BUB1B: variants seen among roughly 807,000 people sequenced by gnomAD.
The protein encoded by BUB1B is mitotic checkpoint serine/threonine-protein kinase BUB1 beta.
BUB1B carries 86 observed loss-of-function variants against 137.7 expected under a neutral mutation model. The observed-to-expected ratio is 0.62, with a 90% confidence interval of 0.52 to 0.75. The LOEUF (loss-of-function observed/expected upper bound fraction) is 0.75. BUB1B is among the 30% of genes least tolerant of loss of function. BUB1B has a pLI of 0.00. For missense variants in BUB1B, 1,130 were observed against 1,236.9 expected, an observed-to-expected ratio of 0.91 and a Z score of 1.30; for synonymous variants, 420 against 417.9, an observed-to-expected ratio of 1.00 and a Z score of -0.06.
At chr15:40,213,270 T>G in intron 19 of BUB1B, 62 bp from the exon 20 acceptor site, 1 of 1,575,338 alleles carries the variant, frequency 6.3e-7, no homozygotes. Context: ...TTCAAGGTAT[T>G]GAGTATAACT....
chr15:40,193,798 G>A (rs1020164848), intron 8 of BUB1B, among the ~76,000 whole-genome samples: 9 of 151,956 alleles, frequency 5.9e-5, no homozygotes, highest in African/African-American at 2.2e-4. Flanking sequence ...GGAGGCGGAG[G>A]CAGGAGAATC....
At chr15:40,216,565 ATATATATTTTTT>A (rs1222807163) in intron 20 of BUB1B, among the ~76,000 whole-genome samples, 3 of 78,688 alleles carry the variant, frequency 3.8e-5, no homozygotes, top group African/African-American at 2.3e-4. Flanking sequence ...ATATATATAT[ATATATATTTTTT>A]TTTTTTTTTA....
chr15:40,212,726 A>T, intron 19 of BUB1B, 78 bp downstream of exon 19: 2 of 1,322,720 alleles, frequency 1.5e-6, no homozygotes, highest in Non-Finnish European at 2.1e-6. Flanking sequence ...AATTTAGTAC[A>T]AAATTCCTGT....
At chr15:40,192,707 C>A (rs959141717) in intron 8 of BUB1B, among the ~76,000 whole-genome samples, 8 of 152,230 alleles carry the variant, frequency 5.3e-5, no homozygotes, top group Admixed American at 2.6e-4. Context: ...TCTGCATCTT[C>A]TTCTGACACA....
chr15:40,220,433 A>T (rs909641518), intron 22 of BUB1B, 131 bp from the exon 23 acceptor site: 3 of 900,380 alleles, frequency 3.3e-6, no homozygotes, highest in Admixed American at 2.5e-5. Flanking sequence ...TATTTGAATG[A>T]TCTCTAACCC....
At chr15:40,184,078 T>C (rs2037330640) in intron 6 of BUB1B, among the ~76,000 whole-genome samples, 195 bp downstream of exon 6, 1 of 152,172 alleles carries the variant, frequency 6.6e-6, no homozygotes. Flanking sequence ...TGTGTCTTAA[T>C]TAAGAAAGAC....
At position 40,170,624 on chromosome 15, in the gene BUB1B, A is replaced by C. The variant is rs746136157; in HGVS notation, c.327A>C (p.Leu109=). The change falls in exon 4 of 23, where the codon CTA becomes CTC. Residue 109 remains leucine, a synonymous_variant. Coordinates refer to ENST00000287598, the MANE Select transcript of BUB1B (RefSeq NM_001211.6). ...STLLERAVEA[L]QGEKRYYSDP... is the part of the protein sequence containing the mutation. ...TATTAGAAAGAGCTGTAGAAGCACT[A>C]CAAGGAGAAAAACGATATTATAGTG... 6.2e-7 allele frequency: 1 copy of C among 1,613,716 alleles called. No individual in the cohort carries two copies. Among genetic ancestry groups the C allele is most frequent in the South Asian group, 1.1e-5 (1 of 91,076 alleles).
In BUB1B at chr15:40,175,189, G is replaced by A. The variant is rs540799611; in HGVS notation, c.385-1288G>A. ...AAATGTGAAAGGTTGTATGCATGAA[G>A]TTATTTTTTATAGAATTATTTATAA... On this transcript the variant is annotated intron_variant, in intron 4 of 22. Coordinates refer to ENST00000287598, the MANE Select transcript of BUB1B (RefSeq NM_001211.6). Among the ~76,000 whole-genome samples, 22 of 152,248 alleles carry A rather than the reference G, an allele frequency of 1.4e-4. No homozygotes were observed. In the South Asian group the frequency reaches 4.4e-3, roughly 30 times the overall value.
At chr15:40,212,755 C>T in intron 19 of BUB1B, 107 bp downstream of exon 19, 1 of 1,002,852 alleles carries the variant, frequency 1.0e-6, no homozygotes, top group Non-Finnish European at 1.5e-6. Flanking sequence ...TAGAAATAGA[C>T]CAATTCAAGT....
chr15:40,209,540 C>T, intron 16 of BUB1B, 95 bp from the exon 17 acceptor site: 1 of 1,463,164 alleles, frequency 6.8e-7, no homozygotes, highest in Non-Finnish European at 9.5e-7. Context: ...ACTGTGTAAT[C>T]TTGATTTTTT....
Position 40,213,377 on chromosome 15 carries a change from T to C in BUB1B, c.2581T>C (p.Leu861=). ...ATATATTACCCATGAAATAACAGTG[T>C]TGATTATTTATAACCTTTTGACAAT... is the stretch of plus-strand genomic sequence containing the variant. ...SEYITHEITV[L]IIYNLLTIVE... Residue 861 remains leucine, a synonymous_variant, in exon 20 of 23, where the codon TTG becomes CTG. Coordinates refer to ENST00000287598, the MANE Select transcript of BUB1B (RefSeq NM_001211.6). 6.2e-7 allele frequency: 1 copy of C among 1,613,714 alleles called. No individual in the cohort carries two copies. The highest frequency in any genetic ancestry group is 8.5e-7 in the Non-Finnish European group (1 of 1,179,610).
Position 40,212,571 on chromosome 15 carries a change from G to T in BUB1B, c.2458G>T (p.Asp820Tyr). 6.2e-7 allele frequency: 1 copy of T among 1,613,250 alleles called. No individual in the cohort carries two copies. Reference protein sequence around the residue: ...KLKERLNEDFDHFCSCYQYQD... With the variant: ...KLKERLNEDFYHFCSCYQYQD... ...AAAGGAACGTTTAAATGAAGATTTT[G>T]ATCATTTTTGCAGCTGTTATCAATA... Residue 820 changes from aspartate (D) to tyrosine (Y), a missense_variant, in exon 19 of 23, where the codon GAT becomes TAT. Asp to Tyr is a radical substitution (Grantham distance 160). Coordinates refer to ENST00000287598, the MANE Select transcript of BUB1B (RefSeq NM_001211.6).
chr15:40,201,306 A>G (rs745938468), intron 12 of BUB1B, among the ~76,000 whole-genome samples: 5 of 152,352 alleles, frequency 3.3e-5, no homozygotes, highest in Admixed American at 2.0e-4. Flanking sequence ...ATTTAAAGCT[A>G]TTTTATACTC....
intron 8 of BUB1B, among the ~76,000 whole-genome samples, chr15:40,192,446 A>T (rs529976847): frequency 2.8e-4 from 43 of 152,316 alleles, no homozygotes; most frequent in Admixed American, 9.8e-4. Context: ...TGTGTTTTAC[A>T]GTTCTGTGTG....
At chr15:40,219,508 AG>A (rs1460992237) in intron 22 of BUB1B, among the ~76,000 whole-genome samples, 4 of 152,224 alleles carry the variant, frequency 2.6e-5, no homozygotes, top group African/African-American at 7.2e-5. Flanking sequence ...ACCTGAGGTC[AG>A]GAGTTTGAGA....
In BUB1B at chr15:40,185,263, A is replaced by G. The variant is rs1369362790; in HGVS notation, c.850A>G (p.Thr284Ala). 1.9e-6 allele frequency: 3 copies of G among 1,614,078 alleles called. No individual in the cohort carries two copies. The highest frequency in any genetic ancestry group is 1.3e-5 in the African/African-American group (1 of 75,046). Reference protein sequence around the residue: ...VFDENADEASTAELSKPTVQP... With the variant: ...VFDENADEASAAELSKPTVQP... Reference sequence around the variant, plus strand: ...TGATGAAAATGCTGATGAGGCTTCTACAGCAGAGTTGTCTAAGCCTACAGT... The same window carrying G: ...TGATGAAAATGCTGATGAGGCTTCTGCAGCAGAGTTGTCTAAGCCTACAGT... Residue 284 changes from threonine (T) to alanine (A), a missense_variant, in exon 7 of 23, where the codon ACA (threonine) becomes GCA (alanine). Physicochemically the swap from Thr to Ala is moderately conservative, Grantham distance 58. Coordinates refer to ENST00000287598, the MANE Select transcript of BUB1B (RefSeq NM_001211.6).
intron 5 of BUB1B, among the ~76,000 whole-genome samples, chr15:40,177,197 C>G (rs948763251): frequency 7.2e-5 from 11 of 152,162 alleles, no homozygotes; most frequent in African/African-American, 2.7e-4. Context: ...ATTTTCTTAA[C>G]TGTCTTTTTT....
In BUB1B at chr15:40,210,146, T is replaced by C; in HGVS notation, c.2321T>C (p.Ile774Thr). The stretch of plus-strand genomic sequence containing the variant: ...TACTGCATTAAACGAGAATACCTAA[T>C]ATGTGAAGATTACAAGTTATTCTGG... ...EDYCIKREYL[I>T]CEDYKLFWVA... The change falls in exon 18 of 23, where the codon ATA (isoleucine) becomes ACA (threonine). Residue 774 changes from isoleucine (I) to threonine (T), a missense_variant. Coordinates refer to ENST00000287598, the MANE Select transcript of BUB1B (RefSeq NM_001211.6). The C allele has an allele frequency of 1.9e-6, 3 of 1,612,584 alleles. No homozygotes were observed. Among genetic ancestry groups the C allele is most frequent in the Non-Finnish European group, 2.5e-6 (3 of 1,178,764 alleles).
At chr15:40,217,140 C>T (rs557780222) in intron 20 of BUB1B, among the ~76,000 whole-genome samples, 1 of 152,266 alleles carries the variant, frequency 6.6e-6, no homozygotes, top group East Asian at 1.9e-4. Context: ...CATCATAATT[C>T]CTGTCAGTGT....
Sources: allele counts gnomAD v4.1 joint callset (sites outside exome capture counted in the v4.1 genomes callset), GRCh38; gene constraint gnomAD v4.1.1; transcripts MANE v1.5; gene names NCBI Gene and HGNC (gene_info 2026-07-23, HGNC 2026-07-21).